FRMD6: variants seen among roughly 807,000 people sequenced by gnomAD.
FRMD6 encodes the protein FERM domain containing 6, also known as FERM domain-containing protein 6.
Under a neutral mutation model 73.2 loss-of-function variants are expected in FRMD6, and 37 were observed. That is an observed-to-expected ratio of 0.51 (90% confidence interval 0.39 to 0.66). The LOEUF (loss-of-function observed/expected upper bound fraction) is 0.66, where lower values mean the gene tolerates loss of function less well. Among genes scored for constraint, FRMD6 ranks in the 30% least tolerant of loss-of-function variants. FRMD6 has a pLI of 0.00. For synonymous variants in FRMD6, 273 were observed against 282.2 expected (o/e 0.97, Z 0.33); for missense variants, 714 against 780.5 (o/e 0.91, Z 1.02).
intron 1 of FRMD6, among the ~76,000 whole-genome samples, chr14:51,664,703 ATATGTGTGT>A: frequency 6.6e-6 from 1 of 152,320 alleles, no homozygotes. Flanking sequence ...TCTGGTGATT[ATATGTGTGT>A]TTCCAGTGGG....
At chr14:51,704,725 T>C in intron 5 of FRMD6, 24 bp from the exon 6 acceptor site, 1 of 1,582,952 alleles carries the variant, frequency 6.3e-7, no homozygotes, top group South Asian at 1.1e-5. Context: ...AAAATGTGAG[T>C]TCTGTTTTCT....
intron 1 of FRMD6, among the ~76,000 whole-genome samples, chr14:51,564,460 T>C (rs2139535177): frequency 6.6e-6 from 1 of 152,258 alleles, no homozygotes; most frequent in Non-Finnish European, 1.5e-5. Context: ...AGAGAGGAAG[T>C]AAAAATGGAG....
At chr14:51,556,464 G>T (rs981387264) in intron 1 of FRMD6, among the ~76,000 whole-genome samples, 1 of 152,118 alleles carries the variant, frequency 6.6e-6, no homozygotes, top group Non-Finnish European at 1.5e-5. Flanking sequence ...AACCTTAAGT[G>T]CTAAAATCCG....
At chr14:51,531,582 T>C (rs2140333036) in intron 1 of FRMD6, among the ~76,000 whole-genome samples, 1 of 152,328 alleles carries the variant, frequency 6.6e-6, no homozygotes, top group South Asian at 2.1e-4. Context: ...TAACTGTGGG[T>C]CTAACATACT....
At chr14:51,431,102 G>A in the FRMD6 span, among the ~76,000 whole-genome samples, 6 of 152,188 alleles carry the variant, frequency 3.9e-5, no homozygotes, top group Non-Finnish European at 7.3e-5. Flanking sequence ...CCAGAAGAGT[G>A]TCAAAATGCC....
intron 1 of FRMD6, among the ~76,000 whole-genome samples, chr14:51,493,083 T>C (rs749905011): frequency 6.6e-6 from 1 of 152,198 alleles, no homozygotes; most frequent in African/African-American, 2.4e-5. Context: ...TTAAAACCAC[T>C]TCCTATTATG....
intron 2 of FRMD6, among the ~76,000 whole-genome samples, chr14:51,624,023 G>A (rs1162788603): frequency 2.0e-5 from 3 of 152,216 alleles, no homozygotes; most frequent in East Asian, 1.9e-4. Flanking sequence ...TCTGGAGGTC[G>A]TCATCCTTAG....
chr14:51,710,683 TA>T (rs1896893261), intron 7 of FRMD6, among the ~76,000 whole-genome samples: 1 of 152,162 alleles, frequency 6.6e-6, no homozygotes, highest in South Asian at 2.1e-4. Flanking sequence ...GCACTAAGCT[TA>T]AAAAGATCTC....
intron 2 of FRMD6, among the ~76,000 whole-genome samples, chr14:51,619,066 G>T (rs1033927078): frequency 6.6e-6 from 1 of 151,782 alleles, no homozygotes. Context: ...TGTGATTTTG[G>T]CACTACTTCA....
intron 1 of FRMD6, among the ~76,000 whole-genome samples, chr14:51,568,724 G>A (rs1034550856): frequency 6.6e-6 from 1 of 152,100 alleles, no homozygotes; most frequent in African/African-American, 2.4e-5. Context: ...GATATGATAG[G>A]GAATCAAGAG....
chr14:51,582,323 C>T (rs539562849), intron 2 of FRMD6, among the ~76,000 whole-genome samples: 47 of 150,364 alleles, frequency 3.1e-4, no homozygotes, highest in Non-Finnish European at 6.2e-4. Context: ...CAGGATAGTC[C>T]GTCGTCCCAC....
intron 1 of FRMD6, among the ~76,000 whole-genome samples, chr14:51,506,934 A>G (rs1044260473): frequency 1.3e-5 from 2 of 152,252 alleles, no homozygotes; most frequent in Non-Finnish European, 2.9e-5. Flanking sequence ...AAAAATGTGC[A>G]TATACTATGA....
At chr14:51,658,211 C>T (rs1050182624) in intron 1 of FRMD6, among the ~76,000 whole-genome samples, 1 of 152,234 alleles carries the variant, frequency 6.6e-6, no homozygotes, top group Non-Finnish European at 1.5e-5. Context: ...CAGATAGACT[C>T]AGATCTGCCC....
At chr14:51,553,677 AC>A (rs1347749846) in intron 1 of FRMD6, among the ~76,000 whole-genome samples, 2 of 152,170 alleles carry the variant, frequency 1.3e-5, no homozygotes, top group African/African-American at 2.4e-5. Flanking sequence ...CTCTAGGGAT[AC>A]CTACTGATCA....
At chr14:51,495,054 A>G (rs567697709) in intron 1 of FRMD6, among the ~76,000 whole-genome samples, 1 of 152,320 alleles carries the variant, frequency 6.6e-6, no homozygotes, top group Non-Finnish European at 1.5e-5. Flanking sequence ...AGCCAGGAGA[A>G]GCCAAACCAT....
chr14:51,617,379 G>A (rs1358601236), intron 2 of FRMD6, among the ~76,000 whole-genome samples: 1 of 152,162 alleles, frequency 6.6e-6, no homozygotes, highest in Non-Finnish European at 1.5e-5. Flanking sequence ...GGAAGACAGG[G>A]AATGATGACC....
At chr14:51,592,411 G>A (rs1473120203) in intron 2 of FRMD6, among the ~76,000 whole-genome samples, 1 of 152,126 alleles carries the variant, frequency 6.6e-6, no homozygotes, top group South Asian at 2.1e-4. Context: ...GTATTTATAT[G>A]TTATCCTTCC....
At chr14:51,417,322 C>T in the FRMD6 span, among the ~76,000 whole-genome samples, 1 of 152,172 alleles carries the variant, frequency 6.6e-6, no homozygotes, top group Non-Finnish European at 1.5e-5. Context: ...AGTGCTTCCT[C>T]AGGAGCTCTT....
intron 11 of FRMD6, among the ~76,000 whole-genome samples, chr14:51,720,705 C>T (rs144073470): frequency 6.6e-6 from 1 of 152,158 alleles, no homozygotes; most frequent in African/African-American, 2.4e-5. Flanking sequence ...TTAAATAAAA[C>T]AGTGGTTAGG....
Sources: allele counts gnomAD v4.1 joint callset (sites outside exome capture counted in the v4.1 genomes callset), GRCh38; gene constraint gnomAD v4.1.1; transcripts MANE v1.5; gene names NCBI Gene and HGNC (gene_info 2026-07-23, HGNC 2026-07-21).